RFC3: variants seen among roughly 807,000 people sequenced by gnomAD.
The protein encoded by RFC3 is replication factor C subunit 3.
Under a neutral mutation model 45.1 loss-of-function variants are expected in RFC3, and 41 were observed. The observed-to-expected ratio is 0.91, with a 90% confidence interval of 0.71 to 1.18. RFC3 has a LOEUF of 1.18. RFC3 is among the 50% of genes most tolerant of loss of function. The probability of loss-of-function intolerance (pLI) is 0.00; values close to 1 mark genes in which losing one functional copy is unlikely to be tolerated. For synonymous variants in RFC3, 149 were observed against 144.0 expected, an observed-to-expected ratio of 1.03 and a Z score of -0.25; for missense variants, 423 against 428.1, an observed-to-expected ratio of 0.99 and a Z score of 0.10.
chr13:33,861,394 G>A lies in RFC3; in HGVS notation c.879+26177G>A, dbSNP rs542870122. On this transcript the variant is annotated intron_variant, in intron 8 of 8. Transcript: ENST00000434425. ...TGTAATCCCAGCACTTTGGGAGGCC[G>A]AGGCGGGCAGATCGCCTGAGGTCAG... 3.0e-4 allele frequency among the ~76,000 whole-genome samples: 46 copies of A among 152,180 alleles called. 1 individual carries two copies. In the East Asian group the frequency reaches 7.7e-3, roughly 26 times the overall value.
chr13:33,932,669 A>G (rs1244674105), intron 8 of RFC3, among the ~76,000 whole-genome samples: 1 of 152,168 alleles, frequency 6.6e-6, no homozygotes, highest in Admixed American at 6.5e-5. Flanking sequence ...AAGCAAAAAC[A>G]GTAGGAAAAT....
At chr13:33,886,702 T>A (rs1221007028) in intron 8 of RFC3, among the ~76,000 whole-genome samples, 1 of 150,630 alleles carries the variant, frequency 6.6e-6, no homozygotes. Flanking sequence ...GTTACATATG[T>A]ATACATGTGC....
chr13:33,925,354 AT>A (rs2082801083), intron 8 of RFC3, among the ~76,000 whole-genome samples: 1 of 127,282 alleles, frequency 7.9e-6, no homozygotes, highest in Non-Finnish European at 1.5e-5. Context: ...ACATACATAT[AT>A]AGTGTACTAT....
Position 33,821,416 on chromosome 13 carries a change from C to T in RFC3, c.225+147C>T, listed in dbSNP as rs2082003016. On this transcript the variant is annotated intron_variant, in intron 2 of 8. Transcript: ENST00000380071. ...AGTCTTGGGGCACAGGATTTGAGAG[C>T]TACTGATATGGATCTGTTATAACCA... is the stretch of plus-strand genomic sequence containing the variant. 5 of 760,136 alleles carry T rather than the reference C, an allele frequency of 6.6e-6. No homozygotes were observed. In the East Asian group the frequency reaches 1.3e-4, roughly 20 times the overall value. 47.1% of individuals were successfully genotyped at this position (760,136 alleles called of 1,614,324 possible).
At position 33,823,866 on chromosome 13, in the gene RFC3, G is replaced by A. The variant is rs559975438; in HGVS notation, c.226-51G>A. The A allele has an allele frequency of 2.8e-5, 26 of 912,722 alleles. 1 individual carries two copies. In the South Asian group the frequency reaches 4.0e-4, roughly 14 times the overall value. The allele number at this position is 912,722 out of a possible 1,614,324, so 56.5% of individuals were successfully genotyped here. On this transcript the variant is annotated intron_variant, in intron 2 of 8. Transcript: ENST00000380071. ...AAACCAATGAAAATACAAAAGAGTG[G>A]GGAAATAGGCAATAAATAAATGTTA...
chr13:33,954,498 C>T (rs2083009226), intron 8 of RFC3, among the ~76,000 whole-genome samples: 2 of 152,224 alleles, frequency 1.3e-5, no homozygotes, highest in African/African-American at 4.8e-5. Context: ...ATAGGGCCAA[C>T]TTATCGCAAT....
At chr13:33,901,504 G>A (rs145141155) in intron 8 of RFC3, among the ~76,000 whole-genome samples, 43 of 152,118 alleles carry the variant, frequency 2.8e-4, no homozygotes, top group Admixed American at 1.8e-3. Context: ...CATGGAGATA[G>A]AGAGTAGACT....
At chr13:33,863,278 TAAGAA>T (rs58417014) in intron 8 of RFC3, among the ~76,000 whole-genome samples, 118,429 of 151,928 alleles carry the variant, frequency 0.78, 48,219 homozygotes, top group Non-Finnish European at 0.92. Context: ...ATCAGGCAGT[TAAGAA>T]AAGACTGTTT....
intron 8 of RFC3, among the ~76,000 whole-genome samples, chr13:33,842,571 G>T (rs1050096958): frequency 1.3e-5 from 2 of 152,138 alleles, no homozygotes; most frequent in African/African-American, 4.8e-5. Flanking sequence ...TCTGAATTCT[G>T]CTCCTTTTCC....
downstream of RFC3, chr13:33,966,632 T>A (rs529844880): frequency 5.1e-5 from 8 of 158,046 alleles, 1 homozygote; most frequent in South Asian, 1.5e-3. Flanking sequence ...ATGTCTGACA[T>A]GTATATTATA....
intron 4 of RFC3, among the ~76,000 whole-genome samples, chr13:33,827,218 A>G (rs1047032540): frequency 6.6e-6 from 1 of 152,122 alleles, no homozygotes. Flanking sequence ...GAGCCCAGGA[A>G]TTCAAGGTTG....
intron 8 of RFC3, among the ~76,000 whole-genome samples, chr13:33,889,299 GTTTTTAACCTTTAGTAAGA>G (rs765639150): frequency 2.0e-4 from 31 of 152,330 alleles, no homozygotes; most frequent in South Asian, 1.7e-3. Context: ...GGCTGGGCTA[GTTTTTAACCTTTAGTAAGA>G]TTTTTTAGCT....
At chr13:33,880,817 G>T (rs2082478232) in intron 8 of RFC3, among the ~76,000 whole-genome samples, 1 of 152,098 alleles carries the variant, frequency 6.6e-6, no homozygotes, top group African/African-American at 2.4e-5. Flanking sequence ...CCTGTACTTG[G>T]GAGGCAGGGG....
chr13:33,924,674 TTATA>T (rs932755595), intron 8 of RFC3, among the ~76,000 whole-genome samples: 1 of 147,098 alleles, frequency 6.8e-6, no homozygotes, highest in Non-Finnish European at 1.5e-5. Context: ...TATATATATA[TTATA>T]TATATATGTA....
intron 8 of RFC3, among the ~76,000 whole-genome samples, chr13:33,853,255 A>ATCCC (rs2082287818): frequency 6.6e-6 from 1 of 152,178 alleles, no homozygotes; most frequent in Non-Finnish European, 1.5e-5. Context: ...GAATACATTA[A>ATCCC]TATCTTAAGT....
the RFC3 span, among the ~76,000 whole-genome samples, chr13:33,977,294 A>G: frequency 6.6e-6 from 1 of 152,132 alleles, no homozygotes; most frequent in Admixed American, 6.6e-5. Flanking sequence ...AATGAGGAAA[A>G]TCGGATGTGG....
chr13:33,883,264 A>G (rs751071482), intron 8 of RFC3, among the ~76,000 whole-genome samples: 4 of 152,336 alleles, frequency 2.6e-5, no homozygotes, highest in East Asian at 1.9e-4. Flanking sequence ...TAGCAGTCCA[A>G]TCCAGGAGAG....
At chr13:33,973,844 T>G in the RFC3 span, among the ~76,000 whole-genome samples, 1 of 151,944 alleles carries the variant, frequency 6.6e-6, no homozygotes, top group South Asian at 2.1e-4. Flanking sequence ...AGAGATGGGG[T>G]TTTACCATGT....
At chr13:33,842,129 A>G (rs2082203657), downstream of RFC3, among the ~76,000 whole-genome samples, 1 of 152,032 alleles carries the variant, frequency 6.6e-6, no homozygotes, top group African/African-American at 2.4e-5. Flanking sequence ...ATGATAAACA[A>G]AATAGAAAAT....
Sources: allele counts gnomAD v4.1 joint callset (sites outside exome capture counted in the v4.1 genomes callset), GRCh38; gene constraint gnomAD v4.1.1; transcripts MANE v1.5; gene names NCBI Gene and HGNC (gene_info 2026-07-23, HGNC 2026-07-21).